SORCS1: variants seen among roughly 807,000 people sequenced by gnomAD.
The protein encoded by SORCS1 is sortilin related VPS10 domain containing receptor 1.
Under a neutral mutation model 146.1 loss-of-function variants are expected in SORCS1, and 60 were observed. The observed-to-expected ratio is 0.41, with a 90% CI of 0.33 to 0.51. The LOEUF (loss-of-function observed/expected upper bound fraction) is 0.51, where lower values mean the gene tolerates loss of function less well. SORCS1 is among the 20% of genes least tolerant of loss of function. The pLI, the probability that SORCS1 is intolerant of heterozygous loss-of-function variation, is 0.21. For missense variants in SORCS1, 1,352 were observed against 1,487.6 expected (o/e 0.91, Z 1.50); for synonymous variants, 637 against 584.0 (o/e 1.09, Z -1.31).
chr10:106,764,910 C>T (rs1487458137), intron 4 of SORCS1, among the ~76,000 whole-genome samples: 1 of 151,126 alleles, frequency 6.6e-6, no homozygotes, highest in Admixed American at 6.6e-5. Context: ...GTAGTCCCAG[C>T]TACTCGGGAG....
chr10:107,109,530 G>A (rs1965537498), intron 1 of SORCS1, among the ~76,000 whole-genome samples: 1 of 152,196 alleles, frequency 6.6e-6, no homozygotes, highest in Non-Finnish European at 1.5e-5. Context: ...CCAATGGTGT[G>A]GAGTACAGTG....
chr10:106,967,671 A>G (rs1955563382), intron 1 of SORCS1, among the ~76,000 whole-genome samples: 1 of 152,184 alleles, frequency 6.6e-6, no homozygotes, highest in Non-Finnish European at 1.5e-5. Flanking sequence ...TATCTTGCGC[A>G]AGCCCATTGT....
chr10:106,967,597 G>C (rs1198637298), intron 1 of SORCS1, among the ~76,000 whole-genome samples: 2 of 152,170 alleles, frequency 1.3e-5, no homozygotes, highest in Admixed American at 1.3e-4. Flanking sequence ...CAGGGAATAG[G>C]GGGAGAAGCT....
At chr10:107,172,402 C>T in the SORCS1 span, among the ~76,000 whole-genome samples, 1 of 152,188 alleles carries the variant, frequency 6.6e-6, no homozygotes, top group Non-Finnish European at 1.5e-5. Flanking sequence ...TAAAGGTTCT[C>T]ATTATGGAGA....
chr10:106,921,591 C>T (rs907910768), intron 2 of SORCS1, among the ~76,000 whole-genome samples: 2 of 152,142 alleles, frequency 1.3e-5, no homozygotes, highest in African/African-American at 4.8e-5. Flanking sequence ...AAAGAATCAT[C>T]TGCTTAATAA....
chr10:106,590,818 C>T (rs1845558094), intron 24 of SORCS1, among the ~76,000 whole-genome samples: 1 of 152,242 alleles, frequency 6.6e-6, no homozygotes, highest in Non-Finnish European at 1.5e-5. Context: ...CCATGCCTGG[C>T]TAATTATTGT....
intron 1 of SORCS1, among the ~76,000 whole-genome samples, chr10:106,999,769 C>T (rs1240681689): frequency 6.6e-6 from 1 of 152,192 alleles, no homozygotes; most frequent in African/African-American, 2.4e-5. Context: ...CAGCCAGGGG[C>T]TGGGCTCAAA....
intron 23 of SORCS1, among the ~76,000 whole-genome samples, chr10:106,598,855 C>T (rs1846065898): frequency 6.6e-6 from 1 of 152,148 alleles, no homozygotes; most frequent in Non-Finnish European, 1.5e-5. Flanking sequence ...AACTGCCCCA[C>T]AGATAAACTT....
At chr10:107,167,489 G>A (rs979866758), upstream of SORCS1, among the ~76,000 whole-genome samples, 1 of 152,038 alleles carries the variant, frequency 6.6e-6, no homozygotes. Flanking sequence ...AATATGCCAC[G>A]ACTTCATCTA....
At chr10:106,748,607 C>T (rs992892955) in intron 5 of SORCS1, among the ~76,000 whole-genome samples, 11 of 142,680 alleles carry the variant, frequency 7.7e-5, no homozygotes, top group African/African-American at 3.0e-4. Flanking sequence ...GTTTAATTGG[C>T]AGCATTTTTT....
intron 2 of SORCS1, among the ~76,000 whole-genome samples, chr10:106,954,467 T>C (rs1954840079): frequency 6.6e-6 from 1 of 152,160 alleles, no homozygotes; most frequent in Non-Finnish European, 1.5e-5. Flanking sequence ...TCCCACACTT[T>C]CAGTTACATC....
chr10:106,988,026 CCTCT>C (rs1426640568), intron 1 of SORCS1, among the ~76,000 whole-genome samples: 2 of 152,138 alleles, frequency 1.3e-5, no homozygotes, highest in African/African-American at 2.4e-5. Context: ...GACTCATCTT[CCTCT>C]CTCTCACTAT....
chr10:106,720,140 A>AT (rs1180325833), intron 6 of SORCS1, among the ~76,000 whole-genome samples: 1 of 152,106 alleles, frequency 6.6e-6, no homozygotes, highest in Non-Finnish European at 1.5e-5. Context: ...TACTTCATGC[A>AT]TTTTTTATAA....
intron 3 of SORCS1, among the ~76,000 whole-genome samples, chr10:106,781,470 C>T (rs1461600530): frequency 1.3e-5 from 2 of 152,086 alleles, no homozygotes; most frequent in Non-Finnish European, 2.9e-5. Context: ...ATGCCCATAT[C>T]ACAGGTGCAT....
In SORCS1 at chr10:106,597,426, G is replaced by A. The variant is rs774926032; in HGVS notation, c.3190C>T (p.Leu1064Phe). 6.2e-7 allele frequency: 1 copy of A among 1,613,898 alleles called. No homozygotes were observed. The change falls in exon 24 of 26, where the codon CTC (leucine) becomes TTC (phenylalanine). Residue 1064 changes from leucine (L) to phenylalanine (F), a missense_variant. By Grantham distance (22) the Leu-to-Phe change is conservative. This residue lies in a region of SORCS1 where 214 missense variants were observed against 204.8 expected (regional missense o/e 1.05). Transcript: ENST00000263054. ...EQISELLIHT[L>F]NQNSVHFELK... ...TCGAAGTGTACTGAGTTTTGGTTGA[G>A]CGTGTGGATCAGCAATTCTGATATC...
At chr10:107,125,949 C>T (rs1717223019) in intron 1 of SORCS1, among the ~76,000 whole-genome samples, 1 of 152,176 alleles carries the variant, frequency 6.6e-6, no homozygotes, top group Admixed American at 6.5e-5. Flanking sequence ...TCCTTCCTTC[C>T]TTTTGTCCCT....
chr10:106,729,760 T>C (rs747827272), intron 6 of SORCS1, among the ~76,000 whole-genome samples: 18 of 152,146 alleles, frequency 1.2e-4, no homozygotes, highest in Non-Finnish European at 2.5e-4. Context: ...TTATTAAGAC[T>C]ATTTTGTATT....
intron 1 of SORCS1, among the ~76,000 whole-genome samples, chr10:106,987,062 G>C (rs35346518): frequency 0.013 from 1,907 of 152,236 alleles, 17 homozygotes; most frequent in Non-Finnish European, 0.014. Context: ...TGATGTTGCA[G>C]GGAACTGGAT....
intron 1 of SORCS1, among the ~76,000 whole-genome samples, chr10:107,137,307 T>C (rs1967388581): frequency 6.6e-6 from 1 of 152,146 alleles, no homozygotes; most frequent in Admixed American, 6.5e-5. Context: ...TTTTTTGACC[T>C]AGAGGAACAC....
Sources: allele counts gnomAD v4.1 joint callset (sites outside exome capture counted in the v4.1 genomes callset), GRCh38; gene constraint gnomAD v4.1.1; regional missense constraint gnomAD v4.1.1; transcripts MANE v1.5; gene names NCBI Gene and HGNC (gene_info 2026-07-23, HGNC 2026-07-21).